Variants in FRMPD4 observed in about 807,000 individuals in gnomAD.
FRMPD4 encodes FERM and PDZ domain-containing protein 4.
Under a neutral mutation model 94.1 loss-of-function variants are expected in FRMPD4, and 22 were observed. The observed-to-expected ratio is 0.23, with a 90% CI of 0.17 to 0.33. The LOEUF (loss-of-function observed/expected upper bound fraction) is 0.33, where lower values mean the gene tolerates loss of function less well. Ranked by LOEUF, FRMPD4 falls within the 10% of genes least tolerant of loss-of-function variation. The pLI is 1.00. For missense variants in FRMPD4, 1,111 were observed against 1,339.9 expected (o/e 0.83, Z 2.67); for synonymous variants, 631 against 548.6 (o/e 1.15, Z -2.10).
intron 1 of FRMPD4, among the ~76,000 whole-genome samples, chrX:12,280,360 G>T (rs1315142506): frequency 9.1e-6 from 1 of 110,139 alleles, no homozygotes; most frequent in Admixed American, 9.7e-5. Flanking sequence ...GTGGCTCCTG[G>T]TTGGAGACCC....
intron 4 of FRMPD4, among the ~76,000 whole-genome samples, chrX:12,637,393 G>T (rs2059452722): frequency 8.9e-6 from 1 of 112,496 alleles, no homozygotes; most frequent in Admixed American, 9.4e-5. Flanking sequence ...CTGGAGGCCA[G>T]GTGTGGTGGC....
chrX:11,888,531 C>A (rs1366495629), intron 3 of FRMPD4, among the ~76,000 whole-genome samples: 1 of 111,847 alleles, frequency 8.9e-6, no homozygotes, highest in Non-Finnish European at 1.9e-5. Context: ...AGGGCTGTTT[C>A]ATTTTTATAT....
At position 12,648,629 on chromosome X, in the gene FRMPD4, C is replaced by T. The variant is rs757245234; in HGVS notation, c.423-26234C>T. 1.0e-3 allele frequency among the ~76,000 whole-genome samples: 113 copies of T among 112,296 alleles called. 2 individuals are homozygous for T. The highest frequency in any genetic ancestry group is 3.6e-3 in the African/African-American group (111 of 30,923). ...AGAGAAAGTGATAGTTACCTGTCAA[C>T]GTTATTGTGGAGATTAAAAGAAACA... On this transcript the variant is annotated intron_variant, in intron 4 of 16. Coordinates refer to ENST00000675598, the MANE Select transcript of FRMPD4 (RefSeq NM_001368397.1).
chrX:12,219,668 T>A (rs1601708785), intron 1 of FRMPD4, among the ~76,000 whole-genome samples: 1 of 112,169 alleles, frequency 8.9e-6, no homozygotes, highest in East Asian at 2.8e-4. Context: ...TTCCATACAA[T>A]GTTTTATGTA....
In FRMPD4 at chrX:12,431,845, G is replaced by A. The variant is rs184798003; in HGVS notation, c.42-66835G>A. Among the ~76,000 whole-genome samples the A allele has an allele frequency of 4.9e-3, 547 of 111,967 alleles. 1 individual carries two copies. The highest frequency in any genetic ancestry group is 0.017 in the African/African-American group (526 of 30,850). On this transcript the variant is annotated intron_variant, in intron 1 of 16. Coordinates refer to ENST00000675598, the MANE Select transcript of FRMPD4 (RefSeq NM_001368397.1). ...GTTCACATCAGTTCATTTTAAACAC[G>A]AAAAAAGCAATACCTTTAAGAATGT... is the stretch of plus-strand genomic sequence containing the variant.
chrX:12,121,937 C>G (rs1008530652), intron 3 of FRMPD4, among the ~76,000 whole-genome samples: 2 of 111,856 alleles, frequency 1.8e-5, no homozygotes, highest in African/African-American at 6.5e-5. Context: ...CAAGTGTCAA[C>G]CTCACAATAG....
At chrX:11,997,468 C>T (rs182224893) in intron 3 of FRMPD4, among the ~76,000 whole-genome samples, 286 of 111,719 alleles carry the variant, frequency 2.6e-3, no homozygotes, top group Non-Finnish European at 3.0e-3. Context: ...AATTTAGTGG[C>T]TTACAATAAT....
intron 13 of FRMPD4, among the ~76,000 whole-genome samples, chrX:12,710,141 C>A (rs373507813): frequency 2.0e-5 from 2 of 100,522 alleles, no homozygotes; most frequent in African/African-American, 6.8e-5. Context: ...TATAGATAGA[C>A]AGATAGATAG....
chrX:12,048,278 T>C (rs780122327), intron 3 of FRMPD4, among the ~76,000 whole-genome samples: 1 of 112,512 alleles, frequency 8.9e-6, no homozygotes, highest in Non-Finnish European at 1.9e-5. Flanking sequence ...TTTTCATATA[T>C]TTGTTGGCCA....
At chrX:12,146,409 T>A (rs1282807214) in intron 1 of FRMPD4, among the ~76,000 whole-genome samples, 1 of 110,054 alleles carries the variant, frequency 9.1e-6, no homozygotes, top group Non-Finnish European at 1.9e-5. Context: ...TCTCTGAACT[T>A]GTTATTCCTC....
chrX:12,163,489 T>A (rs929261742), intron 1 of FRMPD4, among the ~76,000 whole-genome samples: 300 of 84,082 alleles, frequency 3.6e-3, no homozygotes, highest in Non-Finnish European at 4.7e-3. Flanking sequence ...AAAAAAAAAA[T>A]AGAGTGGCTC....
chrX:11,991,637 T>A (rs2054464878), intron 3 of FRMPD4, among the ~76,000 whole-genome samples: 1 of 112,097 alleles, frequency 8.9e-6, no homozygotes, highest in Admixed American at 9.5e-5. Context: ...AGCCTCACCC[T>A]TCTCACACCC....
intron 5 of FRMPD4, among the ~76,000 whole-genome samples, chrX:12,677,917 C>T (rs753967589): frequency 2.8e-4 from 31 of 111,776 alleles, no homozygotes; most frequent in Non-Finnish European, 5.3e-4. Context: ...CCCACCACCA[C>T]GATTTTTACT....
chrX:12,171,702 G>A (rs918832051), intron 1 of FRMPD4, among the ~76,000 whole-genome samples: 3 of 112,121 alleles, frequency 2.7e-5, no homozygotes, highest in Non-Finnish European at 5.6e-5. Flanking sequence ...GATGCAAGCC[G>A]ATGAGCGTGG....
intron 3 of FRMPD4, among the ~76,000 whole-genome samples, chrX:12,057,915 G>T (rs190943307): frequency 9.0e-6 from 1 of 111,338 alleles, no homozygotes; most frequent in African/African-American, 3.3e-5. Flanking sequence ...TTGCTTGAGG[G>T]TTGGTTTCCA....
chrX:12,486,327 T>A (rs1390378556), intron 1 of FRMPD4, among the ~76,000 whole-genome samples: 1 of 112,036 alleles, frequency 8.9e-6, no homozygotes, highest in African/African-American at 3.2e-5. Context: ...ACTCTAGGCC[T>A]ACGGAAACAG....
At chrX:12,199,398 G>T (rs722802) in intron 1 of FRMPD4, among the ~76,000 whole-genome samples, 11,482 of 109,715 alleles carry the variant, frequency 0.1, 526 homozygotes, top group South Asian at 0.29. Context: ...TCTTACAAAA[G>T]GCCTGAATAA....
At chrX:12,513,887 T>C (rs1569308648) in intron 2 of FRMPD4, among the ~76,000 whole-genome samples, 1 of 111,919 alleles carries the variant, frequency 8.9e-6, no homozygotes, top group Non-Finnish European at 1.9e-5. Flanking sequence ...TCCTCTCTGA[T>C]TTCTTTGAGC....
At chrX:12,593,499 C>A (rs2059001636) in intron 2 of FRMPD4, among the ~76,000 whole-genome samples, 1 of 111,901 alleles carries the variant, frequency 8.9e-6, no homozygotes, top group African/African-American at 3.2e-5. Flanking sequence ...TTTTCAGATT[C>A]TTTTTTAAAA....
Sources: gnomAD v4.1 joint callset for allele counts (sites outside exome capture counted in the v4.1 genomes callset) on GRCh38, gnomAD v4.1.1 for gene constraint, MANE v1.5 for transcripts, NCBI Gene and HGNC (gene_info 2026-07-23, HGNC 2026-07-21) for gene names.